CORIN: variants seen among roughly 807,000 people sequenced by gnomAD.
The protein encoded by CORIN is corin, serine peptidase.
A neutral mutation model predicts 125.3 loss-of-function variants in CORIN; 117 were observed. The observed-to-expected ratio is 0.93, with a 90% CI of 0.80 to 1.09. The LOEUF is 1.09. Among genes scored for constraint, CORIN ranks in the 50% least tolerant of loss-of-function variants. The pLI is 0.00. For synonymous variants in CORIN, 450 were observed against 466.4 expected (o/e 0.96, Z 0.45); for missense variants, 1,253 against 1,306.7 (o/e 0.96, Z 0.63).
chr4:47,710,944 G>A (rs1019265017), intron 5 of CORIN, among the ~76,000 whole-genome samples: 3 of 152,234 alleles, frequency 2.0e-5, no homozygotes, highest in Admixed American at 2.0e-4. Flanking sequence ...AGTGACAACA[G>A]AGCATTAAAC....
At chr4:47,788,712 T>G (rs942216281) in intron 2 of CORIN, among the ~76,000 whole-genome samples, 1 of 152,216 alleles carries the variant, frequency 6.6e-6, no homozygotes, top group Non-Finnish European at 1.5e-5. Context: ...AAAGAGATTT[T>G]TTCCATAAGG....
At chr4:47,834,727 C>A (rs1321066416) in intron 1 of CORIN, among the ~76,000 whole-genome samples, 1 of 152,066 alleles carries the variant, frequency 6.6e-6, no homozygotes, top group Non-Finnish European at 1.5e-5. Context: ...GTTTCCAAAC[C>A]TATCACATTG....
chr4:47,642,220 G>T (rs896107818), intron 15 of CORIN, among the ~76,000 whole-genome samples, 171 bp from the exon 16 acceptor site: 4 of 151,756 alleles, frequency 2.6e-5, no homozygotes, highest in African/African-American at 7.3e-5. Flanking sequence ...GTGCTAGAGG[G>T]CTAAAAAAAA....
At chr4:47,604,815 A>T (rs1721584812) in intron 19 of CORIN, among the ~76,000 whole-genome samples, 1 of 152,154 alleles carries the variant, frequency 6.6e-6, no homozygotes, top group Admixed American at 6.5e-5. Context: ...TACTATCAGG[A>T]TATATATTGA....
At chr4:47,647,370 T>A (rs1723536860) in intron 13 of CORIN, among the ~76,000 whole-genome samples, 1 of 152,042 alleles carries the variant, frequency 6.6e-6, no homozygotes, top group Non-Finnish European at 1.5e-5. Context: ...TGAAATAAAA[T>A]AGCATGAGTT....
At chr4:47,777,189 A>ATTAT (rs1730338582) in intron 3 of CORIN, among the ~76,000 whole-genome samples, 1 of 152,208 alleles carries the variant, frequency 6.6e-6, no homozygotes, top group Non-Finnish European at 1.5e-5. Context: ...ATAAATAGCT[A>ATTAT]CTGATTAACA....
intron 2 of CORIN, among the ~76,000 whole-genome samples, chr4:47,792,058 G>A (rs1046033397): frequency 1.3e-5 from 2 of 152,302 alleles, no homozygotes; most frequent in East Asian, 1.9e-4. Flanking sequence ...GTTTAGAGAC[G>A]AGTATCCTAA....
chr4:47,830,676 G>GC (rs1449697341), intron 1 of CORIN, among the ~76,000 whole-genome samples: 3 of 152,294 alleles, frequency 2.0e-5, no homozygotes, highest in South Asian at 2.1e-4. Flanking sequence ...TTTAGGTCTA[G>GC]CTATGGCTTT....
At chr4:47,678,135 T>G in intron 8 of CORIN, 81 bp from the exon 9 acceptor site, 1 of 930,376 alleles carries the variant, frequency 1.1e-6, no homozygotes, top group South Asian at 1.3e-5. Context: ...AACAGCCATT[T>G]ATCAAGCATC....
intron 6 of CORIN, among the ~76,000 whole-genome samples, chr4:47,687,373 A>T (rs61761799): frequency 2.0e-5 from 3 of 152,220 alleles, no homozygotes; most frequent in Non-Finnish European, 2.9e-5. Context: ...AGCAAATCAA[A>T]ATTTGAAAAA....
At chr4:47,756,003 G>A (rs1228685764) in intron 4 of CORIN, among the ~76,000 whole-genome samples, 1 of 152,160 alleles carries the variant, frequency 6.6e-6, no homozygotes, top group African/African-American at 2.4e-5. Context: ...GGTATACAAT[G>A]ATGTACAAAG....
intron 5 of CORIN, among the ~76,000 whole-genome samples, chr4:47,719,754 C>T (rs1389281842): frequency 1.3e-5 from 2 of 152,162 alleles, no homozygotes; most frequent in East Asian, 3.9e-4. Context: ...TTGGAAACAG[C>T]TTAGCAACTG....
chr4:47,703,737 G>A (rs7681832), intron 5 of CORIN, among the ~76,000 whole-genome samples: 1 of 152,134 alleles, frequency 6.6e-6, no homozygotes, highest in Non-Finnish European at 1.5e-5. Flanking sequence ...TCTGAAAGAT[G>A]GCCATCTCAA....
Position 47,837,939 on chromosome 4 carries a change from G to A in CORIN, c.11C>T (p.Ser4Phe). The change falls in exon 1 of 22, where the codon TCT (serine) becomes TTT (phenylalanine). Residue 4 changes from serine (S) to phenylalanine (F), a missense_variant. Coordinates refer to ENST00000273857, the MANE Select transcript of CORIN (RefSeq NM_006587.4). ...GCGCTCTTCCGGAGCGAGGGCAGGA[G>A]ACTGTTTCATGGATAAAAAGTCTCG... Reference protein sequence around the residue: MKQSPALAPEERCR... With the variant: MKQFPALAPEERCR... The A allele has an allele frequency of 6.2e-7, 1 of 1,613,300 alleles. No homozygotes were observed. The highest frequency in any genetic ancestry group is 8.5e-7 in the Non-Finnish European group (1 of 1,180,032).
chr4:47,770,357 GA>G (rs1016633580), intron 3 of CORIN, among the ~76,000 whole-genome samples: 2 of 151,968 alleles, frequency 1.3e-5, no homozygotes, highest in African/African-American at 4.8e-5. Flanking sequence ...ATTAAAAAAT[GA>G]AAAAACAGAA....
At chr4:47,769,290 C>CAA (rs35565049) in intron 3 of CORIN, among the ~76,000 whole-genome samples, 1 of 150,982 alleles carries the variant, frequency 6.6e-6, no homozygotes, top group Admixed American at 6.6e-5. Context: ...ACAATAGCTA[C>CAA]AAAAAAAATA....
intron 5 of CORIN, among the ~76,000 whole-genome samples, chr4:47,741,615 G>A (rs926547030): frequency 1.4e-4 from 22 of 151,954 alleles, no homozygotes; most frequent in African/African-American, 5.3e-4. Context: ...ATATTATACA[G>A]ACAGCATTAT....
intron 10 of CORIN, among the ~76,000 whole-genome samples, chr4:47,673,978 A>T (rs542196125): frequency 1.8e-4 from 27 of 152,304 alleles, no homozygotes; most frequent in African/African-American, 6.5e-4. Flanking sequence ...CTCAAAAAAA[A>T]CAGAACAGAT....
intron 2 of CORIN, among the ~76,000 whole-genome samples, chr4:47,787,907 T>A (rs1171517601): frequency 6.6e-6 from 1 of 152,246 alleles, no homozygotes; most frequent in Non-Finnish European, 1.5e-5. Context: ...TCCATACTCA[T>A]TAAACTAAGA....
Sources: allele counts gnomAD v4.1 joint callset (sites outside exome capture counted in the v4.1 genomes callset), GRCh38; gene constraint gnomAD v4.1.1; transcripts MANE v1.5; gene names NCBI Gene and HGNC (gene_info 2026-07-23, HGNC 2026-07-21).